The following PDE5A variants were observed in gnomAD, a reference collection of about 807,000 sequenced individuals.
PDE5A encodes the protein phosphodiesterase 5A.
Under a neutral mutation model 110.2 loss-of-function variants are expected in PDE5A, and 67 were observed. The ratio of observed to expected loss-of-function variants is 0.61; its 90% CI spans 0.50 to 0.75. PDE5A has a LOEUF of 0.75. PDE5A is among the 30% of genes least tolerant of loss of function. PDE5A has a pLI of 0.00. For synonymous variants in PDE5A, 328 were observed against 351.2 expected (o/e 0.93, Z 0.74); for missense variants, 862 against 1,045.1 (o/e 0.82, Z 2.42).
Position 119,565,190 on chromosome 4 carries a change from G to GAAAA in PDE5A, c.993+127_993+130dup. On this transcript the variant is annotated intron_variant, in intron 5 of 20. Coordinates refer to ENST00000354960, the MANE Select transcript of PDE5A (RefSeq NM_001083.4). Reference sequence around the variant, plus strand: ...AAATAGGAAATACAAATGACTACTAGAAAAAATAAAGTATTGAGAAACTGA... The same window carrying GAAAA: ...AAATAGGAAATACAAATGACTACTAGAAAAAAAAAATAAAGTATTGAGAAACTGA... 4.7e-6 allele frequency: 3 copies of GAAAA among 638,788 alleles called. No individual in the cohort carries two copies. In the South Asian group the frequency reaches 5.8e-5, roughly 12 times the overall value. The allele number at this position is 638,788 out of a possible 1,614,324, so 39.6% of individuals were successfully genotyped here. A position where few individuals can be genotyped will look rare whatever the true frequency, so the allele number is the denominator to read the frequency against.
At chr4:119,534,516 A>G (rs960244110) in intron 11 of PDE5A, among the ~76,000 whole-genome samples, 5 of 151,972 alleles carry the variant, frequency 3.3e-5, no homozygotes, top group African/African-American at 1.2e-4. Flanking sequence ...CCCGCCCCCC[A>G]ACCCAACCCC....
intron 19 of PDE5A, chr4:119,502,282 CATG>C (rs112844217): frequency 9.2e-6 from 2 of 217,588 alleles, no homozygotes; most frequent in Non-Finnish European, 1.8e-5. Flanking sequence ...TTCATGTAAT[CATG>C]ATAATACATA....
At chr4:119,533,914 A>G (rs1473634846) in intron 11 of PDE5A, among the ~76,000 whole-genome samples, 2 of 152,168 alleles carry the variant, frequency 1.3e-5, no homozygotes, top group African/African-American at 2.4e-5. Context: ...CACTAAAACT[A>G]TGGTGTTTAG....
intron 3 of PDE5A, among the ~76,000 whole-genome samples, chr4:119,576,979 G>C (rs80052400): frequency 0.49 from 74,950 of 151,576 alleles, 18,678 homozygotes; most frequent in South Asian, 0.64. Context: ...GAATCAAATA[G>C]GTGCAATAAA....
intron 10 of PDE5A, among the ~76,000 whole-genome samples, chr4:119,541,534 T>C (rs1177690148): frequency 6.6e-6 from 1 of 152,092 alleles, no homozygotes; most frequent in African/African-American, 2.4e-5. Flanking sequence ...TAGTATAATA[T>C]ATTCAGCATA....
rs909573469 is a variant in PDE5A, at chr4:119,627,744, C to T, written c.152+776G>A. Reference sequence around the variant, plus strand: ...CAGCCGCCTCCAAAAGGACAGGCTCCCTCCTCCCCGCCCTCCGCAAGGGCC... The same window carrying T: ...CAGCCGCCTCCAAAAGGACAGGCTCTCTCCTCCCCGCCCTCCGCAAGGGCC... On this transcript the variant is annotated intron_variant, in intron 1 of 20. Coordinates refer to ENST00000354960, the MANE Select transcript of PDE5A (RefSeq NM_001083.4). The surrounding 1 kb of genome is among the most constrained non-coding windows in gnomAD (Gnocchi z 4.6). 1 of 153,490 alleles carries T rather than the reference C, an allele frequency of 6.5e-6. No homozygotes were observed. The highest frequency in any genetic ancestry group is 1.4e-5 in the Non-Finnish European group (1 of 69,174). The allele number at this position is 153,490 out of a possible 1,614,324, so 9.5% of individuals were successfully genotyped here.
chr4:119,598,734 G>T (rs1729239253), intron 2 of PDE5A, among the ~76,000 whole-genome samples: 1 of 152,198 alleles, frequency 6.6e-6, no homozygotes, highest in Non-Finnish European at 1.5e-5. Context: ...TCCTGCTTTA[G>T]AGAAGGCAGG....
At chr4:119,532,308 A>C (rs537105890) in intron 11 of PDE5A, among the ~76,000 whole-genome samples, 1 of 152,284 alleles carries the variant, frequency 6.6e-6, no homozygotes, top group East Asian at 1.9e-4. Flanking sequence ...TAGATACATA[A>C]ATGAAATACA....
chr4:119,530,219 G>C (rs1726481574), intron 11 of PDE5A, among the ~76,000 whole-genome samples: 1 of 152,110 alleles, frequency 6.6e-6, no homozygotes, highest in Admixed American at 6.6e-5. Context: ...GCTTCTTGCT[G>C]TGTCAGAGAG....
chr4:119,589,768 T>C (rs1181850276), intron 3 of PDE5A, among the ~76,000 whole-genome samples: 1 of 152,194 alleles, frequency 6.6e-6, no homozygotes, highest in African/African-American at 2.4e-5. Context: ...GATGTGACTA[T>C]GATCTCTCTC....
In PDE5A at chr4:119,538,926, A is replaced by G. The variant is rs1223761494; in HGVS notation, c.1632+34T>C. 4 of 1,523,382 alleles carry G rather than the reference A, an allele frequency of 2.6e-6. No individual in the cohort carries two copies. In the East Asian group the frequency reaches 6.8e-5, roughly 26 times the overall value. The allele number at this position is 1,523,382 out of a possible 1,614,324, so 94.4% of individuals were successfully genotyped here. A position where few individuals can be genotyped will look rare whatever the true frequency, so the allele number is the denominator to read the frequency against. ...AATTTGGTTAAATTAGGTGTCTGTA[A>G]TTAGTAATTTTTAAAAAGAAAGAGG... is the stretch of plus-strand genomic sequence containing the variant. On this transcript the variant is annotated intron_variant, in intron 11 of 20. Coordinates refer to ENST00000354960, the MANE Select transcript of PDE5A (RefSeq NM_001083.4).
intron 14 of PDE5A, among the ~76,000 whole-genome samples, chr4:119,515,202 A>G (rs1377955586): frequency 6.6e-6 from 1 of 152,190 alleles, no homozygotes; most frequent in Non-Finnish European, 1.5e-5. Flanking sequence ...CAACCTGACC[A>G]GAGATCATCT....
At chr4:119,511,801 G>T (rs1452940651) in intron 14 of PDE5A, among the ~76,000 whole-genome samples, 2 of 152,018 alleles carry the variant, frequency 1.3e-5, no homozygotes, top group Admixed American at 1.3e-4. Context: ...AGACCCTTTG[G>T]CTGAGTGAAG....
chr4:119,610,725 C>T (rs1440939711), intron 1 of PDE5A, among the ~76,000 whole-genome samples: 1 of 152,200 alleles, frequency 6.6e-6, no homozygotes, highest in Admixed American at 6.5e-5. Flanking sequence ...TCAACTCTCA[C>T]ATTCAGTTGC....
intron 3 of PDE5A, among the ~76,000 whole-genome samples, chr4:119,596,310 T>C (rs1297805062): frequency 6.6e-6 from 1 of 152,096 alleles, no homozygotes; most frequent in Non-Finnish European, 1.5e-5. Context: ...ATAAAATTTA[T>C]TTCTAAGTAA....
Position 119,552,585 on chromosome 4 carries a change from G to A in PDE5A, c.1361C>T (p.Thr454Ile), listed in dbSNP as rs769741817. 1.5e-5 allele frequency: 23 copies of A among 1,542,208 alleles called. No individual in the cohort carries two copies. The highest frequency in any genetic ancestry group is 1.8e-5 in the Non-Finnish European group (20 of 1,142,848). ...NQQCIRSLLC[T>I]PIKNGKKNKV... ...ATTCTTCTTTCCATTTTTTATAGGT[G>A]TACAAAGCAAACTTCTAATGCACTG... The change falls in exon 9 of 21, where the codon ACA becomes ATA. Residue 454 changes from threonine (T) to isoleucine (I), a missense_variant. Coordinates refer to ENST00000354960, the MANE Select transcript of PDE5A (RefSeq NM_001083.4).
chr4:119,511,890 A>C (rs556092407), intron 14 of PDE5A, among the ~76,000 whole-genome samples: 2 of 152,260 alleles, frequency 1.3e-5, no homozygotes, highest in African/African-American at 4.8e-5. Flanking sequence ...CGACAAGCAC[A>C]ATCCTCCACC....
chr4:119,588,170 C>CTTTTTT (rs11297755), intron 3 of PDE5A, among the ~76,000 whole-genome samples: 3 of 129,076 alleles, frequency 2.3e-5, no homozygotes, highest in Non-Finnish European at 3.3e-5. Context: ...CCAATTTTTT[C>CTTTTTT]TTTTTTTTTT....
intron 3 of PDE5A, among the ~76,000 whole-genome samples, chr4:119,583,794 G>T (rs1237245815): frequency 6.6e-6 from 1 of 152,190 alleles, no homozygotes; most frequent in African/African-American, 2.4e-5. Flanking sequence ...GAAGGAAATG[G>T]AAATGGCAAA....
Sources: gnomAD v4.1 joint callset for allele counts (sites outside exome capture counted in the v4.1 genomes callset) on GRCh38, gnomAD v4.1.1 for gene constraint, Gnocchi (gnomAD v3.1) non-coding constraint, MANE v1.5 for transcripts, NCBI Gene and HGNC (gene_info 2026-07-23, HGNC 2026-07-21) for gene names.